PLB1: variants seen among roughly 807,000 people sequenced by gnomAD.
PLB1 encodes phospholipase B1.
A neutral mutation model predicts 227.4 loss-of-function variants in PLB1; 242 were observed. The ratio of observed to expected loss-of-function variants is 1.06; its 90% CI spans 0.96 to 1.18. The LOEUF (loss-of-function observed/expected upper bound fraction) is 1.18, where lower values mean the gene tolerates loss of function less well. Among genes scored for constraint, PLB1 ranks in the 50% most tolerant of loss-of-function variants. The pLI is 0.00. For synonymous variants in PLB1, 757 were observed against 682.2 expected (o/e 1.11, Z -1.71); for missense variants, 1,858 against 1,816.3 (o/e 1.02, Z -0.42).
At chr2:28,613,678 T>G (rs762688971) in intron 43 of PLB1, among the ~76,000 whole-genome samples, 1 of 152,104 alleles carries the variant, frequency 6.6e-6, no homozygotes, top group Non-Finnish European at 1.5e-5. Flanking sequence ...TCTGGAAGAT[T>G]AAAAAAATGC....
intron 8 of PLB1, among the ~76,000 whole-genome samples, chr2:28,531,193 A>T (rs1313473404): frequency 6.6e-6 from 1 of 152,250 alleles, no homozygotes; most frequent in Non-Finnish European, 1.5e-5. Flanking sequence ...AAAGATAATT[A>T]TGGTTAATAA....
At chr2:28,525,212 G>T in intron 4 of PLB1, 55 bp from the exon 5 acceptor site, 1 of 1,565,078 alleles carries the variant, frequency 6.4e-7, no homozygotes, top group Non-Finnish European at 8.8e-7. Flanking sequence ...GGTCTAACTA[G>T]AAGAGGCTCT....
chr2:28,532,022 A>G, intron 8 of PLB1, 86 bp from the exon 9 acceptor site: 1 of 1,063,700 alleles, frequency 9.4e-7, no homozygotes, highest in Non-Finnish European at 1.4e-6. Context: ...TGGGTGTATG[A>G]AATGGAAAGA....
intron 1 of PLB1, among the ~76,000 whole-genome samples, chr2:28,503,055 T>C (rs1250886755): frequency 4.6e-5 from 7 of 152,188 alleles, no homozygotes; most frequent in African/African-American, 1.7e-4. Flanking sequence ...ACCTGTAGCT[T>C]CTGTAGTCAT....
chr2:28,523,602 C>A (rs926823075), intron 4 of PLB1, among the ~76,000 whole-genome samples: 1 of 152,106 alleles, frequency 6.6e-6, no homozygotes, highest in Non-Finnish European at 1.5e-5. Context: ...CCTCTGAGCC[C>A]TTCCCCCAAC....
At chr2:28,606,276 C>T (rs1376279851) in intron 42 of PLB1, among the ~76,000 whole-genome samples, 1 of 152,202 alleles carries the variant, frequency 6.6e-6, no homozygotes, top group Non-Finnish European at 1.5e-5. Context: ...CTGCATATCC[C>T]TGCTAGAGAA....
intron 43 of PLB1, among the ~76,000 whole-genome samples, chr2:28,607,116 A>G (rs1365870895): frequency 6.6e-6 from 1 of 152,148 alleles, no homozygotes; most frequent in Non-Finnish European, 1.5e-5. Context: ...GCTCCTTTTA[A>G]GGAGGAATCC....
At chr2:28,507,468 A>C (rs1049022054) in intron 1 of PLB1, among the ~76,000 whole-genome samples, 2 of 152,238 alleles carry the variant, frequency 1.3e-5, no homozygotes, top group Middle Eastern at 3.4e-3. Flanking sequence ...TTTTATAACA[A>C]AACCACTCCC....
chr2:28,602,775 G>A (rs766488728), intron 38 of PLB1, 46 bp from the exon 39 acceptor site: 13 of 1,557,408 alleles, frequency 8.3e-6, no homozygotes, highest in African/African-American at 5.4e-5. Flanking sequence ...ACAGCCCCAG[G>A]AAGAAGTGCC....
At chr2:28,549,932 C>A in intron 15 of PLB1, 78 bp from the exon 16 acceptor site, 2 of 1,270,128 alleles carry the variant, frequency 1.6e-6, no homozygotes, top group East Asian at 2.4e-5. Flanking sequence ...CCAAAAGCAT[C>A]ACTGGATGCT....
chr2:28,530,231 G>C (rs1474441637), intron 8 of PLB1, among the ~76,000 whole-genome samples: 1 of 152,186 alleles, frequency 6.6e-6, no homozygotes, highest in Non-Finnish European at 1.5e-5. Context: ...TAAATGACTT[G>C]TCCCACAGGG....
chr2:28,636,015 A>C (rs1339206015), intron 56 of PLB1, among the ~76,000 whole-genome samples: 1 of 132,572 alleles, frequency 7.5e-6, no homozygotes, highest in Admixed American at 7.5e-5. Flanking sequence ...GTATGTATGT[A>C]TGAATGTGTG....
intron 54 of PLB1, among the ~76,000 whole-genome samples, chr2:28,631,164 AAAG>A (rs998172160): frequency 2.6e-5 from 4 of 151,490 alleles, no homozygotes; most frequent in African/African-American, 9.7e-5. Flanking sequence ...AAAAAAAAAA[AAAG>A]AAAAAAAGAA....
chr2:28,613,200 C>G (rs1175137437), intron 43 of PLB1, among the ~76,000 whole-genome samples: 3 of 152,218 alleles, frequency 2.0e-5, no homozygotes, highest in Non-Finnish European at 4.4e-5. Flanking sequence ...GCTGGGAATA[C>G]AGGCATGGGC....
rs769983882 is a variant in PLB1 at position 28,541,792 on chromosome 2, C to G, written c.860C>G (p.Thr287Ser). 28 of 1,611,746 alleles carry G rather than the reference C, an allele frequency of 1.7e-5. No individual in the cohort carries two copies. The highest frequency in any genetic ancestry group is 2.2e-5 in the Non-Finnish European group (26 of 1,178,798). The change falls in exon 13 of 58, where the codon ACC (threonine) becomes AGC (serine). Residue 287 changes from threonine to serine, a missense_variant. By Grantham distance (58) the Thr-to-Ser change is moderately conservative. Transcript: ENST00000327757. ...GTTTTCCAGCCTTTCTTCTATGAGA[C>G]CACCCCATCTCTACACTCGGTAAGT... Reference protein sequence around the residue: ...TVVFQPFFYETTPSLHSEDPR... With the variant: ...TVVFQPFFYESTPSLHSEDPR...
intron 29 of PLB1, among the ~76,000 whole-genome samples, chr2:28,590,688 G>A (rs940313575): frequency 5.9e-5 from 9 of 152,194 alleles, no homozygotes; most frequent in African/African-American, 1.2e-4. Context: ...TGGGGTTTAC[G>A]TGAGGCAGGA....
At chr2:28,611,926 G>A (rs971281416) in intron 43 of PLB1, among the ~76,000 whole-genome samples, 2 of 151,978 alleles carry the variant, frequency 1.3e-5, no homozygotes, top group South Asian at 2.1e-4. Flanking sequence ...GGATCACCAG[G>A]TCAGGAGATC....
At chr2:28,541,669 A>G (rs758375582) in intron 12 of PLB1, 38 bp from the exon 13 acceptor site, 83 of 1,542,712 alleles carry the variant, frequency 5.4e-5, no homozygotes, top group Admixed American at 1.2e-4. Context: ...TGCCTCGCTC[A>G]TGTTCCTGGA....
chr2:28,541,413 C>G (rs1672464310), intron 12 of PLB1, among the ~76,000 whole-genome samples: 1 of 152,172 alleles, frequency 6.6e-6, no homozygotes, highest in African/African-American at 2.4e-5. Flanking sequence ...TTGAAGAGAG[C>G]AGGGGGCCCT....
Sources: allele counts gnomAD v4.1 joint callset (sites outside exome capture counted in the v4.1 genomes callset), GRCh38; gene constraint gnomAD v4.1.1; transcripts MANE v1.5; gene names NCBI Gene and HGNC (gene_info 2026-07-23, HGNC 2026-07-21).